Variants in PDS5B observed in about 807,000 individuals in gnomAD.
PDS5B encodes the protein sister chromatid cohesion protein PDS5 homolog B.
Under a neutral mutation model 184.1 loss-of-function variants are expected in PDS5B, and 51 were observed. The ratio of observed to expected loss-of-function variants is 0.28; its 90% confidence interval spans 0.22 to 0.35. The LOEUF (loss-of-function observed/expected upper bound fraction) is 0.35. Among genes scored for constraint, PDS5B ranks in the 10% least tolerant of loss-of-function variants. The probability of loss-of-function intolerance (pLI) is 1.00; values close to 1 mark genes in which losing one functional copy is unlikely to be tolerated. For synonymous variants in PDS5B, 566 were observed against 569.2 expected (o/e 0.99, Z 0.08); for missense variants, 1,180 against 1,723.3 (o/e 0.68, Z 5.58).
chr13:32,721,451 G>T (rs1464438400), intron 19 of PDS5B, among the ~76,000 whole-genome samples: 1 of 151,988 alleles, frequency 6.6e-6, no homozygotes, highest in Non-Finnish European at 1.5e-5. Context: ...CTCAGATGGG[G>T]CGGCCGGGCA....
At chr13:32,587,632 C>G (rs2057709920) in intron 1 of PDS5B, among the ~76,000 whole-genome samples, 1 of 152,184 alleles carries the variant, frequency 6.6e-6, no homozygotes, top group Non-Finnish European at 1.5e-5. Flanking sequence ...CTGCTGCGTT[C>G]CTTGCCGCGG....
chr13:32,770,290 C>T lies in PDS5B; in HGVS notation c.3794C>T (p.Pro1265Leu). 1 of 1,613,262 alleles carries T rather than the reference C, an allele frequency of 6.2e-7. No homozygotes were observed. Among genetic ancestry groups the T allele is most frequent in the Non-Finnish European group, 8.5e-7 (1 of 1,179,926 alleles). Residue 1265 changes from proline (P) to leucine (L), a missense_variant, in exon 32 of 35, where the codon CCT becomes CTT. Around this residue, in one of 11 missense-constraint regions of PDS5B, gnomAD observed 465 missense variants for 497.8 expected, o/e 0.93. Transcript: ENST00000315596. ...TCAGAATCTGATGAACAGCAGTGGC[C>T]TGAGGAAAAGAGGCTCAAAGAAGAT... ...TASESDEQQW[P>L]EEKRLKEDIL... is the part of the protein sequence containing the mutation.
At chr13:32,660,810 C>G (rs759400491) in intron 6 of PDS5B, among the ~76,000 whole-genome samples, 1 of 149,026 alleles carries the variant, frequency 6.7e-6, no homozygotes, top group Non-Finnish European at 1.5e-5. Context: ...CTTCCTGTCT[C>G]TAAGTACAGG....
intron 10 of PDS5B, among the ~76,000 whole-genome samples, chr13:32,679,651 A>T (rs3135188): frequency 0.7 from 106,024 of 151,158 alleles, 37,657 homozygotes; most frequent in African/African-American, 0.81. Flanking sequence ...AAAAAAAAAA[A>T]AAATAAATAA....
chr13:32,768,947 CAAAAAAAAAAAAAA>C (rs770324221), intron 31 of PDS5B, among the ~76,000 whole-genome samples: 3 of 84,534 alleles, frequency 3.5e-5, no homozygotes, highest in African/African-American at 1.3e-4. Context: ...TAAAAAAATA[CAAAAAAAAAAAAAA>C]AAAAAAAAAT....
At chr13:32,769,605 T>G (rs920769967) in intron 31 of PDS5B, among the ~76,000 whole-genome samples, 2 of 152,220 alleles carry the variant, frequency 1.3e-5, no homozygotes, top group African/African-American at 4.8e-5. Context: ...TTTCCAAAAT[T>G]TATAATAAAT....
At chr13:32,704,719 C>T (rs771722696) in intron 17 of PDS5B, among the ~76,000 whole-genome samples, 4 of 152,142 alleles carry the variant, frequency 2.6e-5, no homozygotes, top group African/African-American at 7.2e-5. Flanking sequence ...TCCCTCCTTC[C>T]GTAAAATTTA....
intron 1 of PDS5B, among the ~76,000 whole-genome samples, chr13:32,634,682 C>T (rs574873297): frequency 5.6e-4 from 84 of 151,326 alleles, no homozygotes; most frequent in African/African-American, 2.0e-3. Context: ...CTCCAGGGTT[C>T]AAGCGATTCT....
chr13:32,678,758 TG>T, intron 9 of PDS5B, 76 bp from the exon 10 acceptor site: 1 of 833,776 alleles, frequency 1.2e-6, no homozygotes, highest in South Asian at 1.5e-5. Context: ...ATTAGATAAA[TG>T]TAAATTGGGT....
In PDS5B at chr13:32,732,434, A is replaced by G. The variant is rs575993071; in HGVS notation, c.2247+210A>G. On this transcript the variant is annotated intron_variant, in intron 20 of 34. Coordinates refer to ENST00000315596, the MANE Select transcript of PDS5B (RefSeq NM_015032.4). ...ATGATAACAGATTCAGAAATCAAGC[A>G]TTGTTTATTTTTGTACATTGGTTTA... Among the ~76,000 whole-genome samples, 21 of 152,248 alleles carry G rather than the reference A, an allele frequency of 1.4e-4. 1 individual carries two copies. Among genetic ancestry groups the G allele is most frequent in the African/African-American group, 4.6e-4 (19 of 41,578 alleles).
At chr13:32,628,383 G>T (rs983120004) in intron 1 of PDS5B, among the ~76,000 whole-genome samples, 1 of 151,762 alleles carries the variant, frequency 6.6e-6, no homozygotes, top group Non-Finnish European at 1.5e-5. Flanking sequence ...GTGAAACCCC[G>T]TCTCTACAAA....
intron 19 of PDS5B, among the ~76,000 whole-genome samples, chr13:32,715,163 C>CA (rs1457070755): frequency 6.6e-6 from 1 of 152,190 alleles, no homozygotes; most frequent in African/African-American, 2.4e-5. Context: ...GACTTCTTTT[C>CA]AAACCACACA....
intron 1 of PDS5B, among the ~76,000 whole-genome samples, chr13:32,598,483 C>G (rs887070477): frequency 1.3e-5 from 2 of 151,726 alleles, no homozygotes; most frequent in Admixed American, 6.6e-5. Flanking sequence ...ATTTTATTAA[C>G]TTATTTAGAG....
chr13:32,633,436 G>T (rs1292326796), intron 1 of PDS5B, among the ~76,000 whole-genome samples: 2 of 152,152 alleles, frequency 1.3e-5, no homozygotes, highest in Non-Finnish European at 2.9e-5. Flanking sequence ...AACAAAACCA[G>T]CTATCCGTGT....
intron 6 of PDS5B, among the ~76,000 whole-genome samples, chr13:32,661,222 A>T (rs1950633221): frequency 1.3e-5 from 2 of 151,838 alleles, no homozygotes; most frequent in African/African-American, 4.8e-5. Context: ...TGTCTTTACT[A>T]AAATTACAAA....
intron 19 of PDS5B, among the ~76,000 whole-genome samples, chr13:32,714,714 A>C (rs1374746125): frequency 2.0e-5 from 3 of 152,222 alleles, no homozygotes; most frequent in Non-Finnish European, 4.4e-5. Flanking sequence ...TCAGAGTTTA[A>C]GGTTATCTCT....
At chr13:32,618,745 C>G (rs1206076821) in intron 1 of PDS5B, among the ~76,000 whole-genome samples, 3 of 152,132 alleles carry the variant, frequency 2.0e-5, no homozygotes, top group Non-Finnish European at 4.4e-5. Context: ...AAGAAGTCAT[C>G]TCTTCAAACT....
chr13:32,764,711 T>C, intron 31 of PDS5B, 117 bp downstream of exon 31: 1 of 545,428 alleles, frequency 1.8e-6, no homozygotes, highest in Non-Finnish European at 3.1e-6. Flanking sequence ...TTTATTTTAG[T>C]GGTTTTAACC....
At chr13:32,738,447 G>C (rs1953417687) in intron 21 of PDS5B, among the ~76,000 whole-genome samples, 1 of 152,102 alleles carries the variant, frequency 6.6e-6, no homozygotes, top group Non-Finnish European at 1.5e-5. Context: ...TACTAATTAA[G>C]TTTGTGTGTC....
Sources: allele counts gnomAD v4.1 joint callset (sites outside exome capture counted in the v4.1 genomes callset), GRCh38; gene constraint gnomAD v4.1.1; regional missense constraint gnomAD v4.1.1; transcripts MANE v1.5; gene names NCBI Gene and HGNC (gene_info 2026-07-23, HGNC 2026-07-21).